PIGU: variants seen among roughly 807,000 people sequenced by gnomAD.
PIGU encodes the protein GPI-anchor transamidase component PIGU.
In PIGU, 24 loss-of-function variants were observed where a neutral mutation model predicts 49.9. That is an observed-to-expected ratio of 0.48 (90% CI 0.35 to 0.68). The LOEUF is 0.68. Among genes scored for constraint, PIGU ranks in the 30% least tolerant of loss-of-function variants. The pLI, the probability that PIGU is intolerant of heterozygous loss-of-function variation, is 0.01. For missense variants in PIGU, 490 were observed against 532.6 expected (o/e 0.92, Z 0.79); for synonymous variants, 220 against 205.7 (o/e 1.07, Z -0.59).
intron 7 of PIGU, among the ~76,000 whole-genome samples, chr20:34,591,841 A>G (rs972641379): frequency 4.3e-4 from 65 of 152,220 alleles, no homozygotes; most frequent in Non-Finnish European, 1.0e-4. Flanking sequence ...TCATATTACT[A>G]TTTGTGTAAT....
chr20:34,571,014 CCCA>C (rs921515675), intron 11 of PIGU, among the ~76,000 whole-genome samples: 30 of 152,270 alleles, frequency 2.0e-4, no homozygotes, highest in African/African-American at 7.2e-4. Context: ...GGCAACAGGA[CCCA>C]CAAGTTATGT....
At chr20:34,657,630 T>C (rs1986745509) in intron 1 of PIGU, among the ~76,000 whole-genome samples, 1 of 152,194 alleles carries the variant, frequency 6.6e-6, no homozygotes, top group Admixed American at 6.5e-5. Context: ...GTCACTCTCA[T>C]ATGCTGCTCA....
At chr20:34,637,403 C>T (rs1264664155) in intron 5 of PIGU, among the ~76,000 whole-genome samples, 1 of 152,144 alleles carries the variant, frequency 6.6e-6, no homozygotes, top group Non-Finnish European at 1.5e-5. Flanking sequence ...TTCATAGAGC[C>T]TCAGTAAGTT....
At chr20:34,670,972 C>A (rs1987288760) in intron 1 of PIGU, among the ~76,000 whole-genome samples, 1 of 152,206 alleles carries the variant, frequency 6.6e-6, no homozygotes, top group African/African-American at 2.4e-5. Context: ...TCAGGAAAGA[C>A]TAAAACATGG....
chr20:34,637,841 T>C (rs769750112), intron 5 of PIGU, 35 bp downstream of exon 5: 2 of 1,596,272 alleles, frequency 1.3e-6, no homozygotes, highest in Non-Finnish European at 1.7e-6. Context: ...CTCGCATTTG[T>C]TGGCACTAAG....
rs1985900004 is a variant in PIGU, at chr20:34,634,641, G to C, written c.503C>G (p.Ala168Gly). ...TTTTATCGTAGTCAAAATGAAGAAA[G>C]CAATGAGGGTGTTGTTGATGGCACA... ...STCAINNTLI[A>G]FFILTTIKGS... Residue 168 changes from alanine to glycine, a missense_variant, in exon 6 of 12, where the codon GCT becomes GGT. By Grantham distance (60) the Ala-to-Gly change is moderately conservative. Coordinates refer to ENST00000217446, the MANE Select transcript of PIGU (RefSeq NM_080476.5). 1.2e-6 allele frequency: 2 copies of C among 1,612,924 alleles called. No individual in the cohort carries two copies. Among genetic ancestry groups the C allele is most frequent in the Non-Finnish European group, 1.7e-6 (2 of 1,179,276 alleles).
intron 9 of PIGU, among the ~76,000 whole-genome samples, chr20:34,584,956 G>C (rs1168378711): frequency 6.6e-6 from 1 of 152,170 alleles, no homozygotes; most frequent in Non-Finnish European, 1.5e-5. Context: ...CCAAAGTGCT[G>C]GGATTATATG....
intron 7 of PIGU, among the ~76,000 whole-genome samples, chr20:34,598,304 G>C (rs750907342): frequency 2.0e-5 from 3 of 152,192 alleles, no homozygotes; most frequent in Non-Finnish European, 4.4e-5. Context: ...CCACACTGGA[G>C]GAACAGAGAA....
chr20:34,584,504 C>CTTTTT (rs5841174), intron 9 of PIGU, among the ~76,000 whole-genome samples: 171 of 66,380 alleles, frequency 2.6e-3, no homozygotes, highest in Non-Finnish European at 3.2e-3. Context: ...AACTCCTGTT[C>CTTTTT]TTTTTTTTTT....
At chr20:34,568,749 A>G (rs1433403982) in intron 11 of PIGU, among the ~76,000 whole-genome samples, 1 of 152,064 alleles carries the variant, frequency 6.6e-6, no homozygotes, top group Non-Finnish European at 1.5e-5. Context: ...TTGGTGTCAG[A>G]CCTCGGGCTT....
chr20:34,592,280 G>GA (rs1047767998), intron 7 of PIGU, among the ~76,000 whole-genome samples: 2 of 149,880 alleles, frequency 1.3e-5, no homozygotes, highest in African/African-American at 2.4e-5. Context: ...TAAGATATTA[G>GA]AAAAAACAGA....
intron 7 of PIGU, among the ~76,000 whole-genome samples, chr20:34,595,569 C>T (rs1984169826): frequency 6.6e-6 from 1 of 152,134 alleles, no homozygotes; most frequent in African/African-American, 2.4e-5. Flanking sequence ...AACAGGATAG[C>T]AGGAATGATG....
intron 7 of PIGU, among the ~76,000 whole-genome samples, chr20:34,607,873 C>T (rs1386301934): frequency 6.6e-6 from 1 of 152,190 alleles, no homozygotes; most frequent in African/African-American, 2.4e-5. Flanking sequence ...GCCTCAGCCT[C>T]CCTAAGTGCT....
At chr20:34,668,886 T>A (rs1197422082) in intron 1 of PIGU, among the ~76,000 whole-genome samples, 5 of 130,862 alleles carry the variant, frequency 3.8e-5, no homozygotes, top group African/African-American at 1.4e-4. Flanking sequence ...TTTTTTTTTT[T>A]TTTTTTTTTT....
At position 34,605,082 on chromosome 20, in the gene PIGU, A is replaced by G. The variant is rs1243738361; in HGVS notation, c.627+10960T>C. On this transcript the variant is annotated intron_variant, in intron 7 of 11. Transcript: ENST00000217446. ...GGTCCTGTGCACTCGGCTTTCCTTC[A>G]CTGGAGCCTCCTGCCCCTGAGCATG... is the stretch of plus-strand genomic sequence containing the variant. 5.3e-5 allele frequency among the ~76,000 whole-genome samples: 8 copies of G among 152,252 alleles called. No homozygotes were observed. In the East Asian group the frequency reaches 1.5e-3, roughly 29 times the overall value.
chr20:34,572,379 G>C (rs1983050465), intron 11 of PIGU, among the ~76,000 whole-genome samples: 1 of 151,984 alleles, frequency 6.6e-6, no homozygotes, highest in Admixed American at 6.5e-5. Flanking sequence ...GGGCGCAGTG[G>C]CTCACACCTG....
chr20:34,637,988 A>AC lies in PIGU; in HGVS notation c.319-4_319-3insG. ...AGGAGGAGTTTCTGCTTTTTAAACT[A>AC]GAAAAAAAAAAAAAAGGAAAAGATA... On this transcript the variant is annotated splice_region_variant and splice_polypyrimidine_tract_variant and intron_variant, in intron 4 of 11. Coordinates refer to ENST00000217446, the MANE Select transcript of PIGU (RefSeq NM_080476.5). The AC allele has an allele frequency of 1.3e-6, 2 of 1,555,028 alleles. No homozygotes were observed. The highest frequency in any genetic ancestry group is 1.7e-6 in the Non-Finnish European group (2 of 1,160,858).
At chr20:34,661,752 G>T (rs1038100133) in intron 1 of PIGU, among the ~76,000 whole-genome samples, 1 of 152,026 alleles carries the variant, frequency 6.6e-6, no homozygotes. Context: ...TTGATGGGTC[G>T]AATGGCAGTT....
chr20:34,613,502 A>G (rs1386223154), intron 7 of PIGU, among the ~76,000 whole-genome samples: 3 of 152,188 alleles, frequency 2.0e-5, no homozygotes, highest in African/African-American at 7.2e-5. Context: ...AACCATTTTT[A>G]TCTTCTTTTA....
Sources: allele counts gnomAD v4.1 joint callset (sites outside exome capture counted in the v4.1 genomes callset), GRCh38; gene constraint gnomAD v4.1.1; transcripts MANE v1.5; gene names NCBI Gene and HGNC (gene_info 2026-07-23, HGNC 2026-07-21).